Variants in ZNF90 observed in about 807,000 individuals in gnomAD.
The protein encoded by ZNF90 is zinc finger protein 90.
A neutral mutation model predicts 12.0 loss-of-function variants in ZNF90; 11 were observed. The observed-to-expected ratio is 0.92, with a 90% CI of 0.58 to 1.52. ZNF90 has a LOEUF of 1.52. Among genes scored for constraint, ZNF90 ranks in the 40% most tolerant of loss-of-function variants. The pLI is 0.00. For synonymous variants in ZNF90, 232 were observed against 240.1 expected (o/e 0.97, Z 0.31); for missense variants, 765 against 711.5 (o/e 1.08, Z -0.86).
rs782775221 is a variant in ZNF90 at position 20,118,003 on chromosome 19, A to G, written c.449A>G (p.Tyr150Cys). 1 of 1,612,962 alleles carries G rather than the reference A, an allele frequency of 6.2e-7. No homozygotes were observed. The highest frequency in any genetic ancestry group is 8.5e-7 in the Non-Finnish European group (1 of 1,179,440). ...AGCAAAGTATTTCAATGTGATACATATGTGAAAGTCTCTCATATATTTTCA... is the reference window on the plus strand; with the variant it reads ...AGCAAAGTATTTCAATGTGATACATGTGTGAAAGTCTCTCATATATTTTCA... The part of the protein sequence containing the change: ...TQSKVFQCDT[Y>C]VKVSHIFSNS... The change falls in exon 4 of 4, where the codon TAT (tyrosine) becomes TGT (cysteine). Residue 150 changes from tyrosine (Y) to cysteine (C), a missense_variant. Tyr to Cys is a radical substitution (Grantham distance 194). Coordinates refer to ENST00000418063, the MANE Select transcript of ZNF90 (RefSeq NM_007138.2).
Position 20,119,101 on chromosome 19 carries a change from A to G in ZNF90, c.1547A>G (p.Lys516Arg). The change falls in exon 4 of 4, where the codon AAA becomes AGA. Residue 516 changes from lysine (K) to arginine (R), a missense_variant. Physicochemically the swap from Lys to Arg is conservative, Grantham distance 26. Coordinates refer to ENST00000418063, the MANE Select transcript of ZNF90 (RefSeq NM_007138.2). ...CCCTACAAATGTGAAGAATGTGGCAAAGCCTTCAAGCGCTCCTCAGTCCTT... is the reference window on the plus strand; with the variant it reads ...CCCTACAAATGTGAAGAATGTGGCAGAGCCTTCAAGCGCTCCTCAGTCCTT... Reference protein sequence around the residue: ...ENPYKCEECGKAFKRSSVLSK... With the variant: ...ENPYKCEECGRAFKRSSVLSK... 1 of 1,612,938 alleles carries G rather than the reference A, an allele frequency of 6.2e-7. No individual in the cohort carries two copies. The highest frequency in any genetic ancestry group is 8.5e-7 in the Non-Finnish European group (1 of 1,179,506).
chr19:20,083,162 G>C (rs905644402), intron 1 of ZNF90, among the ~76,000 whole-genome samples: 1 of 151,686 alleles, frequency 6.6e-6, no homozygotes, highest in Admixed American at 6.6e-5. Flanking sequence ...TGCCGGTGCC[G>C]GTCCTCCATC....
At position 20,118,321 on chromosome 19, in the gene ZNF90, G is replaced by A. The variant is rs1488413139; in HGVS notation, c.767G>A (p.Arg256Gln). 5 of 1,559,318 alleles carry A rather than the reference G, an allele frequency of 3.2e-6. No homozygotes were observed. The highest frequency in any genetic ancestry group is 2.4e-5 in the East Asian group (1 of 41,500). ...AAGAGAATTCATACTGGAGAGAAAC[G>A]GTACAAATGTGAAGATTGTGGCAAA... ...AHKRIHTGEK[R>Q]YKCEDCGKEL... The change falls in exon 4 of 4, where the codon CGG becomes CAG. Residue 256 changes from arginine (R) to glutamine (Q), a missense_variant. Transcript: ENST00000418063.
intron 3 of ZNF90, among the ~76,000 whole-genome samples, chr19:20,108,631 T>A (rs911055186): frequency 2.5e-4 from 38 of 151,958 alleles, no homozygotes; most frequent in African/African-American, 4.3e-4. Context: ...CTACTTTTTT[T>A]AAATGATACA....
intron 1 of ZNF90, among the ~76,000 whole-genome samples, chr19:20,078,784 C>A (rs997215363): frequency 2.6e-5 from 4 of 152,092 alleles, no homozygotes; most frequent in African/African-American, 9.7e-5. Context: ...CGGTCTGACC[C>A]CAGCCAATGG....
intron 1 of ZNF90, among the ~76,000 whole-genome samples, chr19:20,089,920 G>A (rs1295339275): frequency 1.3e-5 from 2 of 152,162 alleles, no homozygotes; most frequent in Non-Finnish European, 2.9e-5. Context: ...GGTTGATACT[G>A]TGGTGGAGAT....
chr19:20,099,682 G>T (rs57228195), intron 1 of ZNF90, among the ~76,000 whole-genome samples: 1 of 152,162 alleles, frequency 6.6e-6, no homozygotes, highest in African/African-American at 2.4e-5. Flanking sequence ...GAACTTTGCT[G>T]TCTTCACATG....
At position 20,112,728 on chromosome 19, in the gene ZNF90, T is replaced by C. The variant is rs1290111323; in HGVS notation, c.227-5053T>C. On this transcript the variant is annotated intron_variant, in intron 3 of 3. Transcript: ENST00000418063. Reference sequence around the variant, plus strand: ...TGAAGTAAAATAATTTAAAATCGAGTATTGCTGGTTAGAAATGTTTTTTTG... The same window carrying C: ...TGAAGTAAAATAATTTAAAATCGAGCATTGCTGGTTAGAAATGTTTTTTTG... Among the ~76,000 whole-genome samples the C allele has an allele frequency of 8.5e-5, 13 of 152,296 alleles. 1 individual carries two copies. Among genetic ancestry groups the C allele is most frequent in the Admixed American group, 6.5e-4 (10 of 15,294 alleles).
At chr19:20,105,192 A>T in intron 2 of ZNF90, 29 bp from the exon 3 acceptor site, 2 of 1,537,566 alleles carry the variant, frequency 1.3e-6, no homozygotes, top group South Asian at 1.1e-5. Context: ...TATGAGGAAG[A>T]TTCATGTTAT....
intron 1 of ZNF90, among the ~76,000 whole-genome samples, chr19:20,086,028 A>G (rs2088856505): frequency 6.6e-6 from 1 of 152,204 alleles, no homozygotes. Context: ...TTTCTTTGTC[A>G]GAAACCTGAT....
intron 3 of ZNF90, among the ~76,000 whole-genome samples, chr19:20,117,012 T>TG (rs1555705723): frequency 1.5e-5 from 2 of 131,120 alleles, no homozygotes; most frequent in East Asian, 4.5e-4. Context: ...GCAACTTACA[T>TG]TTGTGTGTGT....
chr19:20,113,731 G>C (rs2089111946), intron 3 of ZNF90, among the ~76,000 whole-genome samples: 1 of 152,052 alleles, frequency 6.6e-6, no homozygotes, highest in African/African-American at 2.4e-5. Flanking sequence ...GGGAGGCTGA[G>C]GCAGGAGAAT....
At chr19:20,085,268 C>CTTTTTTTTTTTTTTTTTTTTT (rs56068843) in intron 1 of ZNF90, among the ~76,000 whole-genome samples, 1 of 135,570 alleles carries the variant, frequency 7.4e-6, no homozygotes, top group Admixed American at 7.5e-5. Context: ...TTGCATTGGT[C>CTTTTTTTTTTTTTTTTTTTTT]TTTTTTTTTT....
chr19:20,114,349 T>G (rs2089117760), intron 3 of ZNF90, among the ~76,000 whole-genome samples: 1 of 152,226 alleles, frequency 6.6e-6, no homozygotes, highest in Non-Finnish European at 1.5e-5. Context: ...AACATATCAC[T>G]AGAATGTTTT....
chr19:20,101,209 A>G (rs1247824018), intron 1 of ZNF90, among the ~76,000 whole-genome samples: 1 of 152,144 alleles, frequency 6.6e-6, no homozygotes, highest in African/African-American at 2.4e-5. Context: ...TTGTTCCTGC[A>G]TGGCTAAGTG....
chr19:20,097,784 T>A (rs1216152678), intron 1 of ZNF90, among the ~76,000 whole-genome samples: 5 of 152,254 alleles, frequency 3.3e-5, no homozygotes, highest in Non-Finnish European at 7.3e-5. Flanking sequence ...TTCAAATGTA[T>A]GTATCTGTTG....
At chr19:20,102,071 A>G (rs549265856) in intron 1 of ZNF90, among the ~76,000 whole-genome samples, 1 of 152,314 alleles carries the variant, frequency 6.6e-6, no homozygotes, top group African/African-American at 2.4e-5. Context: ...TTTGTCCTCA[A>G]AGGTTTCAGC....
chr19:20,084,184 G>T (rs1046391577), intron 1 of ZNF90, among the ~76,000 whole-genome samples: 5 of 151,802 alleles, frequency 3.3e-5, no homozygotes, highest in African/African-American at 1.2e-4. Flanking sequence ...CTTCTGTGTA[G>T]CTGGGACTAC....
At position 20,079,826 on chromosome 19, in the gene ZNF90, G is replaced by T. The variant is rs117638551; in HGVS notation, c.3+1691G>T. 3.8e-3 allele frequency: 1,229 copies of T among 325,926 alleles called. 10 individuals are homozygous for T. Among genetic ancestry groups the T allele is most frequent in the South Asian group, 0.012 (399 of 34,318 alleles). The allele number at this position is 325,926 out of a possible 1,614,324, so 20.2% of individuals were successfully genotyped here. On this transcript the variant is annotated intron_variant, in intron 1 of 3. Transcript: ENST00000418063. ...CTCACGCCTGTAATCTCATCTGCTC[G>T]GCCACCCTGTCCCGGCCCTGAAGCG...
Sources: allele counts gnomAD v4.1 joint callset (sites outside exome capture counted in the v4.1 genomes callset), GRCh38; gene constraint gnomAD v4.1.1; transcripts MANE v1.5; gene names NCBI Gene and HGNC (gene_info 2026-07-23, HGNC 2026-07-21).